CNTNAP2: variants seen among roughly 807,000 people sequenced by gnomAD.
CNTNAP2 encodes contactin associated protein 2.
Under a neutral mutation model 155.2 loss-of-function variants are expected in CNTNAP2, and 98 were observed. The observed-to-expected ratio is 0.63, with a 90% CI of 0.54 to 0.75. CNTNAP2 has a LOEUF of 0.75. Among genes scored for constraint, CNTNAP2 ranks in the 30% least tolerant of loss-of-function variants. The probability of loss-of-function intolerance (pLI) is 0.00; values close to 1 mark genes in which losing one functional copy is unlikely to be tolerated. For missense variants in CNTNAP2, 1,727 were observed against 1,688.1 expected (o/e 1.02, Z -0.40); for synonymous variants, 651 against 631.2 (o/e 1.03, Z -0.47).
intron 1 of CNTNAP2, among the ~76,000 whole-genome samples, chr7:146,168,421 C>T (rs1798343540): frequency 6.6e-6 from 1 of 152,054 alleles, no homozygotes; most frequent in African/African-American, 2.4e-5. Context: ...TATGCTCATA[C>T]ATTCCCTATC....
chr7:147,266,186 T>G (rs1250599041), intron 8 of CNTNAP2, among the ~76,000 whole-genome samples: 1 of 152,198 alleles, frequency 6.6e-6, no homozygotes, highest in African/African-American at 2.4e-5. Flanking sequence ...TAATAACTGT[T>G]GAGCTAAAGA....
intron 13 of CNTNAP2, among the ~76,000 whole-genome samples, chr7:147,700,458 A>G (rs1352811866): frequency 6.6e-6 from 1 of 152,182 alleles, no homozygotes; most frequent in South Asian, 2.1e-4. Context: ...ACTAAATTTT[A>G]TACCTATCCA....
chr7:147,090,096 C>T (rs919750458), intron 4 of CNTNAP2, among the ~76,000 whole-genome samples: 5 of 152,074 alleles, frequency 3.3e-5, no homozygotes, highest in African/African-American at 1.2e-4. Flanking sequence ...AGGGAGGGTC[C>T]CATAGTCACC....
intron 1 of CNTNAP2, among the ~76,000 whole-genome samples, chr7:146,301,254 AT>A (rs1291561877): frequency 6.6e-6 from 1 of 152,150 alleles, no homozygotes; most frequent in African/African-American, 2.4e-5. Context: ...CTCAGGATTA[AT>A]TTGAGAATAG....
intron 4 of CNTNAP2, among the ~76,000 whole-genome samples, chr7:147,103,834 A>G (rs533901465): frequency 1.1e-4 from 16 of 152,184 alleles, no homozygotes; most frequent in African/African-American, 3.8e-4. Flanking sequence ...GTCTAGTCCT[A>G]AGAAAACGTC....
At chr7:147,733,252 G>C (rs1159389562) in intron 13 of CNTNAP2, among the ~76,000 whole-genome samples, 2 of 151,752 alleles carry the variant, frequency 1.3e-5, no homozygotes, top group African/African-American at 2.4e-5. Context: ...TCTACATATG[G>C]CTAGTCAGTT....
chr7:147,748,343 A>G (rs1290238980), intron 13 of CNTNAP2, among the ~76,000 whole-genome samples: 2 of 151,842 alleles, frequency 1.3e-5, no homozygotes, highest in Non-Finnish European at 2.9e-5. Context: ...TTTTTTTCTG[A>G]TCATGCACAT....
chr7:147,867,609 T>C (rs567367507), intron 13 of CNTNAP2, among the ~76,000 whole-genome samples: 23 of 152,340 alleles, frequency 1.5e-4, no homozygotes, highest in Admixed American at 1.3e-4. Flanking sequence ...TTTGGTCTTT[T>C]CACATAGTCC....
At chr7:147,851,235 C>T (rs374191650) in intron 13 of CNTNAP2, among the ~76,000 whole-genome samples, 6,714 of 152,132 alleles carry the variant, frequency 0.044, 265 homozygotes, top group Admixed American at 0.12. Context: ...CCATCTCACA[C>T]CAGTTAGAAT....
intron 20 of CNTNAP2, among the ~76,000 whole-genome samples, chr7:148,260,590 T>C (rs987429664): frequency 1.3e-5 from 2 of 152,070 alleles, no homozygotes; most frequent in African/African-American, 4.8e-5. Context: ...GAAACCACAG[T>C]CGGTTAAAAT....
intron 13 of CNTNAP2, among the ~76,000 whole-genome samples, chr7:147,877,298 A>T (rs2710102): frequency 6.6e-6 from 1 of 151,872 alleles, no homozygotes; most frequent in Non-Finnish European, 1.5e-5. Context: ...CTTCTTTCTC[A>T]GGTCTCAGAG....
chr7:147,349,729 ACTAT>A (rs1482330429), intron 9 of CNTNAP2, among the ~76,000 whole-genome samples: 1 of 151,948 alleles, frequency 6.6e-6, no homozygotes, highest in African/African-American at 2.4e-5. Flanking sequence ...TGGTTTTAAA[ACTAT>A]CTGTGAACAT....
rs568484743 is a variant in CNTNAP2 at position 146,467,897 on chromosome 7, T to C, written c.98-306374T>C. Among the ~76,000 whole-genome samples the C allele has an allele frequency of 6.0e-4, 92 of 152,174 alleles. 1 individual carries two copies. Among genetic ancestry groups the C allele is most frequent in the Non-Finnish European group, 1.2e-3 (81 of 68,020 alleles). ...GTGAGAGCAATATTGTTCAATGTAA[T>C]AGTAGTTGATTAAAAATACATGCAT... On this transcript the variant is annotated intron_variant, in intron 1 of 23. Coordinates refer to ENST00000361727, the MANE Select transcript of CNTNAP2 (RefSeq NM_014141.6).
At chr7:147,929,429 C>T (rs988992713) in intron 14 of CNTNAP2, among the ~76,000 whole-genome samples, 11 of 152,068 alleles carry the variant, frequency 7.2e-5, no homozygotes, top group South Asian at 2.1e-4. Context: ...AAAGAATATC[C>T]TACAAACTCA....
intron 3 of CNTNAP2, among the ~76,000 whole-genome samples, chr7:146,850,707 CA>C (rs988585232): frequency 1.9e-4 from 28 of 147,962 alleles, no homozygotes; most frequent in Admixed American, 6.7e-4. Context: ...TGTATGAAAG[CA>C]AAAAAAAATT....
chr7:146,640,402 T>C (rs1435898162), intron 1 of CNTNAP2, among the ~76,000 whole-genome samples: 1 of 152,178 alleles, frequency 6.6e-6, no homozygotes, highest in Non-Finnish European at 1.5e-5. Flanking sequence ...TGGAGATCAA[T>C]TGTCTGAAGA....
chr7:146,388,504 A>G (rs949902033), intron 1 of CNTNAP2, among the ~76,000 whole-genome samples: 2 of 152,122 alleles, frequency 1.3e-5, no homozygotes, highest in Non-Finnish European at 2.9e-5. Context: ...ATTTTGATGC[A>G]GGGGTACATG....
intron 3 of CNTNAP2, among the ~76,000 whole-genome samples, chr7:146,867,790 T>TC (rs1795234635): frequency 6.6e-6 from 1 of 152,104 alleles, no homozygotes; most frequent in African/African-American, 2.4e-5. Context: ...ACTTTTTTTT[T>TC]TCATATGCTC....
Position 147,865,660 on chromosome 7 carries a change from G to T in CNTNAP2, c.2099-37905G>T, listed in dbSNP as rs375591881. Among the ~76,000 whole-genome samples the T allele has an allele frequency of 6.0e-4, 91 of 152,256 alleles. 1 individual carries two copies. In the South Asian group the frequency reaches 8.9e-3, roughly 15 times the overall value. On this transcript the variant is annotated intron_variant, in intron 13 of 23. Transcript: ENST00000361727. ...TTCTTCCTGGTTTAGTGTTGGGAGGGTGTATGTGTCCAGGAATCTATCCAT... is the reference window on the plus strand; with the variant it reads ...TTCTTCCTGGTTTAGTGTTGGGAGGTTGTATGTGTCCAGGAATCTATCCAT...
Sources: gnomAD v4.1 joint callset for allele counts (sites outside exome capture counted in the v4.1 genomes callset) on GRCh38, gnomAD v4.1.1 for gene constraint, MANE v1.5 for transcripts, NCBI Gene and HGNC (gene_info 2026-07-23, HGNC 2026-07-21) for gene names.